Variants in CDC42BPA observed in about 807,000 individuals in gnomAD.
CDC42BPA encodes serine/threonine-protein kinase MRCK alpha.
In CDC42BPA, 80 loss-of-function variants were observed where a neutral mutation model predicts 223.5. The observed-to-expected ratio is 0.36, with a 90% CI of 0.30 to 0.43. CDC42BPA has a LOEUF of 0.43. Among genes scored for constraint, CDC42BPA ranks in the 20% least tolerant of loss-of-function variants. The pLI, the probability that CDC42BPA is intolerant of heterozygous loss-of-function variation, is 1.00. For missense variants in CDC42BPA, 1,743 were observed against 2,099.9 expected, an observed-to-expected ratio of 0.83 and a Z score of 3.32; for synonymous variants, 694 against 718.6, an observed-to-expected ratio of 0.97 and a Z score of 0.55.
intron 14 of CDC42BPA, among the ~76,000 whole-genome samples, chr1:227,103,735 T>C (rs960855469): frequency 6.6e-6 from 1 of 152,062 alleles, no homozygotes; most frequent in Non-Finnish European, 1.5e-5. Context: ...GATTAATAAA[T>C]GAAATTGGAA....
chr1:227,121,866 T>C (rs1263373163), intron 11 of CDC42BPA, among the ~76,000 whole-genome samples: 1 of 151,336 alleles, frequency 6.6e-6, no homozygotes, highest in Non-Finnish European at 1.5e-5. Flanking sequence ...TATGGTGTGA[T>C]ATCGGCTCAC....
At chr1:227,175,952 T>G (rs548658483) in intron 5 of CDC42BPA, among the ~76,000 whole-genome samples, 1 of 152,182 alleles carries the variant, frequency 6.6e-6, no homozygotes, top group African/African-American at 2.4e-5. Flanking sequence ...GCTGTATGTA[T>G]GGTGTACTGG....
intron 2 of CDC42BPA, among the ~76,000 whole-genome samples, chr1:227,225,782 G>C (rs900204533): frequency 7.4e-6 from 1 of 135,596 alleles, no homozygotes; most frequent in Non-Finnish European, 1.6e-5. Flanking sequence ...GTGAAGCAGG[G>C]AATACCTCTG....
intron 21 of CDC42BPA, among the ~76,000 whole-genome samples, chr1:227,064,375 A>C (rs905681792): frequency 6.6e-6 from 1 of 152,192 alleles, no homozygotes; most frequent in Non-Finnish European, 1.5e-5. Flanking sequence ...GCAAGCAGCT[A>C]ATTTATATGA....
chr1:227,180,784 T>C (rs541192123), intron 5 of CDC42BPA, among the ~76,000 whole-genome samples: 2 of 152,218 alleles, frequency 1.3e-5, no homozygotes, highest in Non-Finnish European at 2.9e-5. Context: ...AGATGAAACT[T>C]AGTTTTTCTT....
At position 226,993,653 on chromosome 1, in the gene CDC42BPA, A is replaced by T. The variant is rs991900775; in HGVS notation, c.*615T>A. The T allele has an allele frequency of 6.5e-6, 1 of 152,696 alleles. No homozygotes were observed. The highest frequency in any genetic ancestry group is 2.4e-5 in the African/African-American group (1 of 41,434). 9.5% of individuals were successfully genotyped at this position (152,696 alleles called of 1,614,324 possible). Reference sequence around the variant, plus strand: ...TTCTTTAAATTAAATCATCTCTCTTATATATGCATCCATCTTTTGTTGAAT... The same window carrying T: ...TTCTTTAAATTAAATCATCTCTCTTTTATATGCATCCATCTTTTGTTGAAT... On this transcript the variant is annotated 3_prime_UTR_variant, in exon 37 of 37. Transcript: ENST00000366766.
Position 227,224,069 on chromosome 1 carries a change from A to G in CDC42BPA, c.271-10850T>C, listed in dbSNP as rs373047038. Among the ~76,000 whole-genome samples, 21 of 152,260 alleles carry G rather than the reference A, an allele frequency of 1.4e-4. 1 individual carries two copies. The South Asian group carries it at 4.4e-3, about 32-fold the overall frequency. The stretch of plus-strand genomic sequence containing the variant: ...CACTGGGACATAACACTTTCAAAAG[A>G]CAGGTGGCATCTGTACTCTGCTTTT... On this transcript the variant is annotated intron_variant, in intron 2 of 36. Transcript: ENST00000366766.
At chr1:227,264,798 T>C in intron 1 of CDC42BPA, 1 of 1,222,788 alleles carries the variant, frequency 8.2e-7, no homozygotes, top group South Asian at 1.2e-5. Flanking sequence ...GTTACCTCAG[T>C]GACAGAATCT....
intron 21 of CDC42BPA, among the ~76,000 whole-genome samples, chr1:227,062,287 T>A (rs1676078436): frequency 6.6e-6 from 1 of 152,306 alleles, no homozygotes; most frequent in Admixed American, 6.5e-5. Context: ...AATATACTCC[T>A]CTTATGTAGT....
At chr1:227,035,636 TA>T in intron 24 of CDC42BPA, 29 bp from the exon 25 acceptor site, 3 of 1,544,868 alleles carry the variant, frequency 1.9e-6, no homozygotes, top group Non-Finnish European at 2.6e-6. Context: ...AAACGTTTGA[TA>T]AAAATTCATT....
intron 4 of CDC42BPA, among the ~76,000 whole-genome samples, chr1:227,197,574 T>G (rs914997920): frequency 2.0e-5 from 3 of 151,962 alleles, no homozygotes; most frequent in Admixed American, 1.3e-4. Flanking sequence ...AGGAGAGAGA[T>G]AAATCACAGT....
intron 6 of CDC42BPA, among the ~76,000 whole-genome samples, chr1:227,148,771 G>GAAAAAAAAAAAAAAAAAAAAAAA: frequency 1.3e-4 from 1 of 7,724 alleles, no homozygotes; most frequent in Middle Eastern, 0.083. Context: ...GGTCTCAAAA[G>GAAAAAAAAAAAAAAAAAAAAAAA]CAAAAAAAAA....
At chr1:227,281,554 CCAGTCTCCAGCTGGT>C (rs1357090181) in intron 1 of CDC42BPA, among the ~76,000 whole-genome samples, 1 of 152,156 alleles carries the variant, frequency 6.6e-6, no homozygotes, top group Non-Finnish European at 1.5e-5. Context: ...CCCACGCTTG[CCAGTCTCCAGCTGGT>C]CAGTCTCCTG....
At chr1:227,125,090 G>A (rs1689313218) in intron 11 of CDC42BPA, among the ~76,000 whole-genome samples, 1 of 151,482 alleles carries the variant, frequency 6.6e-6, no homozygotes, top group Non-Finnish European at 1.5e-5. Flanking sequence ...GCTGTAAAGA[G>A]AAAAAGCCCC....
Position 227,317,243 on chromosome 1 carries a change from G to C in CDC42BPA, c.-61C>G. 1 of 1,516,930 alleles carries C rather than the reference G, an allele frequency of 6.6e-7. No homozygotes were observed. Among genetic ancestry groups the C allele is most frequent in the Admixed American group, 2.2e-5 (1 of 45,998 alleles). The allele number at this position is 1,516,930 out of a possible 1,614,324, so 94.0% of individuals were successfully genotyped here. On this transcript the variant is annotated 5_prime_UTR_variant, in exon 1 of 37. Coordinates refer to ENST00000366766, the MANE Select transcript of CDC42BPA (RefSeq NM_001394014.1). ...ATTATGATGACTTTTACTATTATCT[G>C]AACCTAAATTTTAAAAGGTATGGTT...
At chr1:227,129,293 A>G in intron 10 of CDC42BPA, 62 bp from the exon 11 acceptor site, 1 of 1,187,722 alleles carries the variant, frequency 8.4e-7, no homozygotes, top group Non-Finnish European at 1.2e-6. Context: ...TAAAACTAAT[A>G]ACATTATTTT....
intron 34 of CDC42BPA, among the ~76,000 whole-genome samples, chr1:227,007,019 G>A (rs78862335): frequency 6.6e-6 from 1 of 151,910 alleles, no homozygotes; most frequent in Non-Finnish European, 1.5e-5. Context: ...TTGGTGGTGG[G>A]GGGATCACAA....
At chr1:227,280,784 TTC>T (rs1687892830) in intron 1 of CDC42BPA, among the ~76,000 whole-genome samples, 1 of 152,198 alleles carries the variant, frequency 6.6e-6, no homozygotes, top group Non-Finnish European at 1.5e-5. Flanking sequence ...ATTCTGGAAG[TTC>T]TGTTTCCTAA....
At position 227,188,527 on chromosome 1, in the gene CDC42BPA, T is replaced by C. The variant is rs970108688; in HGVS notation, c.599+5259A>G. On this transcript the variant is annotated intron_variant, in intron 5 of 36. Transcript: ENST00000366766. ...GGAAAACTATGGTACATGCCGACAA[T>C]AGAATGTTACTCACTAAAAAGAAAT... Among the ~76,000 whole-genome samples, 5 of 152,036 alleles carry C rather than the reference T, an allele frequency of 3.3e-5. 1 individual carries two copies. Among genetic ancestry groups the C allele is most frequent in the South Asian group, 4.1e-4 (2 of 4,822 alleles).
Sources: gnomAD v4.1 joint callset for allele counts (sites outside exome capture counted in the v4.1 genomes callset) on GRCh38, gnomAD v4.1.1 for gene constraint, MANE v1.5 for transcripts, NCBI Gene and HGNC (gene_info 2026-07-23, HGNC 2026-07-21) for gene names.